The following HAUS8 variants were observed in gnomAD, a reference collection of about 807,000 sequenced individuals.
The protein encoded by HAUS8 is HAUS augmin-like complex subunit 8.
In HAUS8, 38 loss-of-function variants were observed where a neutral mutation model predicts 42.9. The ratio of observed to expected loss-of-function variants is 0.89; its 90% confidence interval spans 0.68 to 1.16. The LOEUF is 1.16. Ranked by LOEUF, HAUS8 falls within the 50% of genes most tolerant of loss-of-function variation. HAUS8 has a pLI of 0.00. For missense variants in HAUS8, 494 were observed against 511.6 expected (o/e 0.97, Z 0.33); for synonymous variants, 199 against 205.8 (o/e 0.97, Z 0.28).
Position 17,059,645 on chromosome 19 carries a change from C to G in HAUS8, c.332G>C (p.Ser111Thr), listed in dbSNP as rs1156375162. The G allele has an allele frequency of 3.1e-6, 5 of 1,611,996 alleles. No homozygotes were observed. The highest frequency in any genetic ancestry group is 1.7e-5 in the Admixed American group (1 of 59,954). The change falls in exon 6 of 11, where the codon AGC becomes ACC. Residue 111 changes from serine (S) to threonine (T), a missense_variant. Physicochemically the swap from Ser to Thr is moderately conservative, Grantham distance 58. Transcript: ENST00000253669. ...DLDLSAINDK[S>T]IVKKTPQLAK... The stretch of plus-strand genomic sequence containing the variant: ...TAACTGTGGCGTCTTTTTGACGATG[C>G]TTTTGTCTAAGATAAAGCACAGCAT...
Position 17,075,403 on chromosome 19 carries a change from C to T in HAUS8, c.20G>A (p.Arg7Gln). 1 of 1,613,952 alleles carries T rather than the reference C, an allele frequency of 6.2e-7. No homozygotes were observed. The highest frequency in any genetic ancestry group is 8.5e-7 in the Non-Finnish European group (1 of 1,179,930). The change falls in exon 1 of 11, where the codon CGA becomes CAA. Residue 7 changes from arginine (R) to glutamine (Q), a missense_variant. Physicochemically the swap from Arg to Gln is conservative, Grantham distance 43. Coordinates refer to ENST00000253669, the MANE Select transcript of HAUS8 (RefSeq NM_033417.2). ...GGAAGCCCCAACTCACCCAGCGCCT[C>T]GCCCCGAGGAATCCGCCATTTTCCC... is the stretch of plus-strand genomic sequence containing the variant. MADSSG[R>Q]GAGKPATGPT...
chr19:17,060,723 C>CT (rs2057355280), intron 4 of HAUS8, among the ~76,000 whole-genome samples: 1 of 152,092 alleles, frequency 6.6e-6, no homozygotes, highest in Non-Finnish European at 1.5e-5. Context: ...ATCTTTCCAT[C>CT]TTTTTTCTGC....
At chr19:17,069,141 C>T (rs1446904861) in intron 2 of HAUS8, 55 bp from the exon 3 acceptor site, 4 of 1,517,554 alleles carry the variant, frequency 2.6e-6, no homozygotes, top group East Asian at 2.3e-5. Flanking sequence ...GAAGACCCCA[C>T]ACACCCAGAC....
chr19:17,052,576 C>CA (rs1461578585), intron 10 of HAUS8: 3,537 of 348,974 alleles, frequency 0.01, 1 homozygote, highest in Middle Eastern at 0.017. Context: ...GAACCTGTCT[C>CA]AAAAAAAAAA....
chr19:17,066,828 A>G (rs565798259), intron 3 of HAUS8, among the ~76,000 whole-genome samples: 2 of 152,370 alleles, frequency 1.3e-5, no homozygotes, highest in Non-Finnish European at 2.9e-5. Context: ...TCACCAAGAC[A>G]GGAAACCAAC....
intron 4 of HAUS8, 37 bp downstream of exon 4, chr19:17,062,661 C>T (rs766617033): frequency 4.9e-5 from 75 of 1,536,190 alleles, no homozygotes; most frequent in African/African-American, 1.2e-4. Context: ...TTTACTGCCG[C>T]GCTCATCACT....
At chr19:17,068,268 T>C (rs1279336491) in intron 3 of HAUS8, among the ~76,000 whole-genome samples, 2 of 151,966 alleles carry the variant, frequency 1.3e-5, no homozygotes, top group Non-Finnish European at 2.9e-5. Context: ...TGCACGCCAC[T>C]GCATCCGGCT....
chr19:17,056,473 T>G (rs575207702), intron 8 of HAUS8, among the ~76,000 whole-genome samples: 23 of 152,330 alleles, frequency 1.5e-4, no homozygotes, highest in Admixed American at 1.3e-3. Flanking sequence ...TGATAGCTAC[T>G]GCTGACTGAA....
At chr19:17,065,612 G>A (rs543614854) in intron 3 of HAUS8, among the ~76,000 whole-genome samples, 7 of 152,108 alleles carry the variant, frequency 4.6e-5, no homozygotes, top group Non-Finnish European at 8.8e-5. Flanking sequence ...GGCAGATCAC[G>A]AGGTCAGGAG....
chr19:17,056,565 A>G (rs1284324782), intron 8 of HAUS8, among the ~76,000 whole-genome samples: 1 of 152,060 alleles, frequency 6.6e-6, no homozygotes, highest in East Asian at 1.9e-4. Flanking sequence ...ACACACAGAC[A>G]CACATACAGA....
At chr19:17,052,210 C>T (rs1278538143) in intron 10 of HAUS8, 4 of 151,960 alleles carry the variant, frequency 2.6e-5, no homozygotes, top group African/African-American at 4.8e-5. Context: ...TAAAGTGATT[C>T]TCCCACCTCG....
intron 9 of HAUS8, chr19:17,053,192 A>C: frequency 1.7e-6 from 1 of 576,092 alleles, no homozygotes; most frequent in Non-Finnish European, 3.1e-6. Flanking sequence ...AGGGCATTGG[A>C]CCAGAACTGA....
At chr19:17,075,233 G>A in intron 1 of HAUS8, 161 bp downstream of exon 1, 2 of 757,654 alleles carry the variant, frequency 2.6e-6, no homozygotes, top group Non-Finnish European at 4.4e-6. Context: ...TCCGGAGCAT[G>A]CGCAGAGGCA....
rs1331618781 is a variant in HAUS8, at chr19:17,049,814, A to C, written c.*59T>G. ...ATCAAACAAGATTATCACATAAAAA[A>C]TAGCTACAGTGCTACGGTAGTATAT... On this transcript the variant is annotated 3_prime_UTR_variant, in exon 11 of 11. Transcript: ENST00000253669. 20 of 1,233,324 alleles carry C rather than the reference A, an allele frequency of 1.6e-5. No homozygotes were observed. Among genetic ancestry groups the C allele is most frequent in the Non-Finnish European group, 2.1e-5 (20 of 941,860 alleles). The allele number at this position is 1,233,324 out of a possible 1,614,324, so 76.4% of individuals were successfully genotyped here.
chr19:17,055,203 G>A (rs554308809), intron 9 of HAUS8: 1 of 97,010 alleles, frequency 1.0e-5, no homozygotes, highest in Non-Finnish European at 1.9e-5. Flanking sequence ...AGCCAGGTGT[G>A]GTGGTGCCCA....
chr19:17,072,887 G>A (rs986529138), intron 2 of HAUS8, among the ~76,000 whole-genome samples: 7 of 151,164 alleles, frequency 4.6e-5, no homozygotes, highest in South Asian at 2.1e-4. Flanking sequence ...AGGCAGAGGC[G>A]GGAGGATCAC....
At chr19:17,072,949 CAAA>C (rs201634583) in intron 2 of HAUS8, among the ~76,000 whole-genome samples, 6 of 84,772 alleles carry the variant, frequency 7.1e-5, no homozygotes, top group Non-Finnish European at 6.7e-5. Flanking sequence ...GACCCCAACT[CAAA>C]AAAAAAAAAA....
chr19:17,072,633 T>G (rs2057434240), intron 2 of HAUS8, among the ~76,000 whole-genome samples: 1 of 151,936 alleles, frequency 6.6e-6, no homozygotes, highest in Non-Finnish European at 1.5e-5. Context: ...AGCCACCGTG[T>G]CCAGCCACAT....
intron 8 of HAUS8, among the ~76,000 whole-genome samples, chr19:17,057,038 C>G (rs926452658): frequency 6.6e-6 from 1 of 152,210 alleles, no homozygotes; most frequent in Non-Finnish European, 1.5e-5. Context: ...TGCCACCACA[C>G]TTGGCTAATT....
Sources: allele counts gnomAD v4.1 joint callset (sites outside exome capture counted in the v4.1 genomes callset), GRCh38; gene constraint gnomAD v4.1.1; transcripts MANE v1.5; gene names NCBI Gene and HGNC (gene_info 2026-07-23, HGNC 2026-07-21).